Variants in DDX10 observed in about 807,000 individuals in gnomAD.
DDX10 encodes the protein DEAD-box helicase 10.
Under a neutral mutation model 104.3 loss-of-function variants are expected in DDX10, and 74 were observed. The ratio of observed to expected loss-of-function variants is 0.71; its 90% confidence interval spans 0.59 to 0.86. The LOEUF is 0.86. Ranked by LOEUF, DDX10 falls within the 40% of genes least tolerant of loss-of-function variation. The pLI, the probability that DDX10 is intolerant of heterozygous loss-of-function variation, is 0.00. For synonymous variants in DDX10, 351 were observed against 353.4 expected (o/e 0.99, Z 0.08); for missense variants, 952 against 1,040.0 (o/e 0.92, Z 1.16).
intron 13 of DDX10, among the ~76,000 whole-genome samples, chr11:108,757,980 C>T (rs2094346489): frequency 6.6e-6 from 1 of 152,026 alleles, no homozygotes; most frequent in African/African-American, 2.4e-5. Context: ...TGTCAGACTT[C>T]CCTGTGCTTA....
intron 13 of DDX10, among the ~76,000 whole-genome samples, chr11:108,754,705 T>C (rs1317389086): frequency 6.6e-6 from 1 of 151,966 alleles, no homozygotes; most frequent in African/African-American, 2.4e-5. Context: ...CTAGAATCTA[T>C]GGGTGATAGA....
intron 13 of DDX10, among the ~76,000 whole-genome samples, chr11:108,802,031 G>GTGTGTGTGTGTT (rs1470224808): frequency 2.0e-5 from 3 of 151,378 alleles, no homozygotes; most frequent in Non-Finnish European, 4.4e-5. Context: ...GTGTGTGTGT[G>GTGTGTGTGTGTT]TGTGTTTGTG....
intron 16 of DDX10, among the ~76,000 whole-genome samples, chr11:108,893,080 T>C (rs1335363852): frequency 6.6e-6 from 1 of 152,158 alleles, no homozygotes; most frequent in Non-Finnish European, 1.5e-5. Flanking sequence ...GGTATTTTAC[T>C]CTATAGAAGT....
chr11:108,783,830 A>G (rs543785410), intron 13 of DDX10, among the ~76,000 whole-genome samples: 3 of 152,258 alleles, frequency 2.0e-5, no homozygotes, highest in Admixed American at 2.0e-4. Flanking sequence ...TCCCGCATTT[A>G]GTAGTCCCCA....
In DDX10 at chr11:108,677,198, A is replaced by T. The variant is rs766022467; in HGVS notation, c.492A>T (p.Val164=). The T allele has an allele frequency of 6.2e-7, 1 of 1,614,022 alleles. No individual in the cohort carries two copies. The highest frequency in any genetic ancestry group is 8.5e-7 in the Non-Finnish European group (1 of 1,179,966). ...AGACCTTTGAGGTTCTCCGAAAAGT[A>T]GGAAAGAATCATGACTTCTCAGCTG... ...AYQTFEVLRK[V]GKNHDFSAGL... Residue 164 remains valine, a synonymous_variant, in exon 4 of 18, where the codon GTA becomes GTT. Transcript: ENST00000322536.
At chr11:108,692,391 T>G (rs930695135) in intron 8 of DDX10, among the ~76,000 whole-genome samples, 5 of 152,212 alleles carry the variant, frequency 3.3e-5, no homozygotes, top group African/African-American at 1.2e-4. Flanking sequence ...GAAAAATCAG[T>G]GAAGTCCATG....
At chr11:108,766,280 TG>T (rs2094356223) in intron 13 of DDX10, among the ~76,000 whole-genome samples, 1 of 152,352 alleles carries the variant, frequency 6.6e-6, no homozygotes, top group East Asian at 1.9e-4. Flanking sequence ...TCGTATCCGC[TG>T]TTACGTATTC....
intron 13 of DDX10, among the ~76,000 whole-genome samples, chr11:108,729,279 G>A (rs2094309092): frequency 6.6e-6 from 1 of 152,152 alleles, no homozygotes; most frequent in African/African-American, 2.4e-5. Flanking sequence ...TCTTATTGAA[G>A]GAGGGTCACA....
intron 6 of DDX10, among the ~76,000 whole-genome samples, chr11:108,683,014 G>T (rs1204497815): frequency 6.6e-6 from 1 of 152,092 alleles, no homozygotes; most frequent in Admixed American, 6.5e-5. Flanking sequence ...TTAAGGTCAG[G>T]TTGTCTTGAT....
chr11:108,700,159 G>A (rs756449841), intron 9 of DDX10, among the ~76,000 whole-genome samples: 5 of 152,042 alleles, frequency 3.3e-5, no homozygotes, highest in African/African-American at 4.8e-5. Context: ...TGGAGGGAGC[G>A]CAGGGCATCC....
chr11:108,720,667 T>A (rs895175370), intron 12 of DDX10, among the ~76,000 whole-genome samples: 4 of 152,148 alleles, frequency 2.6e-5, no homozygotes, highest in Non-Finnish European at 5.9e-5. Flanking sequence ...CATGGCTCAC[T>A]GCATCCTTGA....
chr11:108,894,043 T>C (rs1455451799), intron 16 of DDX10, among the ~76,000 whole-genome samples: 1 of 152,022 alleles, frequency 6.6e-6, no homozygotes, highest in East Asian at 1.9e-4. Flanking sequence ...TGTAAAGGGA[T>C]GGAATAGAGA....
At chr11:108,811,892 T>G (rs1294397332) in intron 13 of DDX10, among the ~76,000 whole-genome samples, 22 of 140,882 alleles carry the variant, frequency 1.6e-4, no homozygotes, top group South Asian at 4.8e-4. Flanking sequence ...ATTATAAATA[T>G]GGGGGGGGGA....
At chr11:108,886,050 T>C (rs1411005926) in intron 16 of DDX10, among the ~76,000 whole-genome samples, 1 of 152,182 alleles carries the variant, frequency 6.6e-6, no homozygotes, top group Non-Finnish European at 1.5e-5. Context: ...GATACAGCAG[T>C]GGGAATAGCT....
intron 13 of DDX10, among the ~76,000 whole-genome samples, chr11:108,808,310 T>TA (rs890507040): frequency 1.3e-5 from 2 of 151,270 alleles, no homozygotes; most frequent in African/African-American, 4.9e-5. Flanking sequence ...ATTTGACCTC[T>TA]AAGTCAAAAA....
intron 15 of DDX10, among the ~76,000 whole-genome samples, chr11:108,849,952 T>C (rs1862769350): frequency 6.6e-6 from 1 of 152,170 alleles, no homozygotes; most frequent in Non-Finnish European, 1.5e-5. Context: ...TTCTAACTTT[T>C]GAATTATGAT....
chr11:108,710,609 C>T lies in DDX10; in HGVS notation c.1322+3772C>T, dbSNP rs192377033. 3.7e-4 allele frequency among the ~76,000 whole-genome samples: 56 copies of T among 152,130 alleles called. No individual in the cohort carries two copies. The East Asian group carries it at 0.01, about 28-fold the overall frequency. Reference sequence around the variant, plus strand: ...AACAATGCCTCCTTCTTTAGTACTTCCTGAGGGACCTGCCTGAGGGTGTTT... The same window carrying T: ...AACAATGCCTCCTTCTTTAGTACTTTCTGAGGGACCTGCCTGAGGGTGTTT... On this transcript the variant is annotated intron_variant, in intron 10 of 17. Transcript: ENST00000322536.
rs1819324106 is a variant in DDX10 at position 108,679,397 on chromosome 11, G to C, written c.685G>C (p.Asp229His). The C allele has an allele frequency of 1.2e-6, 2 of 1,602,528 alleles. No individual in the cohort carries two copies. The highest frequency in any genetic ancestry group is 1.3e-5 in the African/African-American group (1 of 74,220). Residue 229 changes from aspartate to histidine, a missense_variant, in exon 6 of 18, where the codon GAT (aspartate) becomes CAT (histidine). This residue lies in a region of DDX10 where 412 missense variants were observed against 479.2 expected (regional missense o/e 0.86). Transcript: ENST00000322536. Reference sequence around the variant, plus strand: ...TCTTGATGAAGCAGATAGAATCTTGGATATGGGCTTTGCTGATACCATGAA... The same window carrying C: ...TCTTGATGAAGCAGATAGAATCTTGCATATGGGCTTTGCTGATACCATGAA... ...LVLDEADRIL[D>H]MGFADTMNAV...
chr11:108,732,221 C>G (rs1194989447), intron 13 of DDX10, among the ~76,000 whole-genome samples: 1 of 152,092 alleles, frequency 6.6e-6, no homozygotes, highest in African/African-American at 2.4e-5. Context: ...TGCATAAGTT[C>G]TCATTTTTCC....
Sources: allele counts gnomAD v4.1 joint callset (sites outside exome capture counted in the v4.1 genomes callset), GRCh38; gene constraint gnomAD v4.1.1; regional missense constraint gnomAD v4.1.1; transcripts MANE v1.5; gene names NCBI Gene and HGNC (gene_info 2026-07-23, HGNC 2026-07-21).